The following ZNF385D variants were observed in gnomAD, a reference collection of about 807,000 sequenced individuals.
The protein encoded by ZNF385D is zinc finger protein 385D.
A neutral mutation model predicts 35.8 loss-of-function variants in ZNF385D; 15 were observed. The observed-to-expected ratio is 0.42, with a 90% CI of 0.28 to 0.64. The LOEUF (loss-of-function observed/expected upper bound fraction) is 0.64. Ranked by LOEUF, ZNF385D falls within the 30% of genes least tolerant of loss-of-function variation. ZNF385D has a pLI of 0.23. For missense variants in ZNF385D, 474 were observed against 494.6 expected (o/e 0.96, Z 0.39); for synonymous variants, 212 against 186.8 (o/e 1.13, Z -1.10).
At position 22,259,332 on chromosome 3, in the gene ZNF385D, G is replaced by A. The variant is rs190733789; in HGVS notation, c.107-90297C>T. Among the ~76,000 whole-genome samples the A allele has an allele frequency of 3.4e-3, 520 of 151,958 alleles. 3 individuals carry two copies. The highest frequency in any genetic ancestry group is 0.011 in the African/African-American group (473 of 41,516). On this transcript the variant is annotated intron_variant, in intron 2 of 5. Transcript: ENST00000494108. The stretch of plus-strand genomic sequence containing the variant: ...TTTTCCAAAATTCTAATTTTTGCAT[G>A]AAAACATGAATTTTATCATTCATAG...
chr3:21,538,854 T>G (rs1299673838), intron 3 of ZNF385D, among the ~76,000 whole-genome samples: 1 of 152,116 alleles, frequency 6.6e-6, no homozygotes, highest in Admixed American at 6.5e-5. Context: ...CATAAATACA[T>G]TTTTCAGCCA....
At chr3:22,260,351 G>C (rs556616243) in intron 2 of ZNF385D, among the ~76,000 whole-genome samples, 90 of 152,010 alleles carry the variant, frequency 5.9e-4, no homozygotes, top group African/African-American at 2.0e-3. Context: ...CTGTTGGCAG[G>C]TGGGCGGCAA....
At chr3:22,058,167 T>C (rs1576238059) in intron 3 of ZNF385D, among the ~76,000 whole-genome samples, 1 of 151,238 alleles carries the variant, frequency 6.6e-6, no homozygotes, top group African/African-American at 2.4e-5. Flanking sequence ...ACTCATAAGT[T>C]GATAATTCAA....
intron 2 of ZNF385D, among the ~76,000 whole-genome samples, chr3:22,184,683 C>T (rs1695509393): frequency 1.3e-5 from 2 of 152,084 alleles, no homozygotes; most frequent in Non-Finnish European, 2.9e-5. Context: ...AAAAATTAGC[C>T]AGGCGTGGTG....
chr3:22,095,088 CTTTTTT>C (rs10663641), intron 3 of ZNF385D, among the ~76,000 whole-genome samples: 15 of 121,974 alleles, frequency 1.2e-4, no homozygotes, highest in African/African-American at 4.8e-4. Context: ...TTCATTCTTT[CTTTTTT>C]TTTTTTTTTT....
rs1259471727 is a variant in ZNF385D, at chr3:21,412,679, G to A, written c.*8535C>T. On this transcript the variant is annotated 3_prime_UTR_variant, in exon 8 of 8. Coordinates refer to ENST00000281523, the MANE Select transcript of ZNF385D (RefSeq NM_024697.3). ...TAAGGATGTTCCTAGAGCTGCTGAA[G>A]GAACCAGAGAGCTTTCATCCATAAA... 1 of 151,590 alleles carries A rather than the reference G, an allele frequency of 6.6e-6. No homozygotes were observed. The highest frequency in any genetic ancestry group is 2.4e-5 in the African/African-American group (1 of 41,122). 9.4% of individuals were successfully genotyped at this position (151,590 alleles called of 1,614,324 possible). A position where few individuals can be genotyped will look rare whatever the true frequency, so the allele number is the denominator to read the frequency against.
intron 2 of ZNF385D, among the ~76,000 whole-genome samples, chr3:21,568,063 A>AAACTT (rs1013819780): frequency 2.0e-5 from 3 of 152,184 alleles, no homozygotes; most frequent in African/African-American, 7.2e-5. Flanking sequence ...AGTTAAAAAA[A>AAACTT]AACTTAACTG....
At chr3:21,693,682 G>A (rs868541370) in intron 1 of ZNF385D, among the ~76,000 whole-genome samples, 2 of 151,956 alleles carry the variant, frequency 1.3e-5, no homozygotes, top group Non-Finnish European at 2.9e-5. Context: ...TAGAAATACT[G>A]GAATCATCTC....
intron 3 of ZNF385D, among the ~76,000 whole-genome samples, chr3:22,142,385 G>T (rs1202458497): frequency 6.6e-6 from 1 of 152,034 alleles, no homozygotes; most frequent in Non-Finnish European, 1.5e-5. Context: ...CTTATGGTTT[G>T]AAAACAAAGC....
At chr3:22,028,887 G>A (rs1425875511) in intron 3 of ZNF385D, among the ~76,000 whole-genome samples, 1 of 152,108 alleles carries the variant, frequency 6.6e-6, no homozygotes, top group Non-Finnish European at 1.5e-5. Context: ...CAGGGCTGGG[G>A]CAAAGTTCTC....
chr3:22,340,993 G>A (rs1202215916), intron 2 of ZNF385D, among the ~76,000 whole-genome samples: 1 of 152,112 alleles, frequency 6.6e-6, no homozygotes, highest in Non-Finnish European at 1.5e-5. Flanking sequence ...TTACCACATA[G>A]GATAACTTCA....
intron 3 of ZNF385D, among the ~76,000 whole-genome samples, chr3:21,879,834 C>T (rs1020811602): frequency 6.6e-6 from 1 of 151,938 alleles, no homozygotes; most frequent in Non-Finnish European, 1.5e-5. Flanking sequence ...TTTAATATTA[C>T]AATGAATAGG....
intron 2 of ZNF385D, among the ~76,000 whole-genome samples, chr3:21,627,492 A>C (rs987308103): frequency 6.6e-6 from 1 of 152,084 alleles, no homozygotes; most frequent in African/African-American, 2.4e-5. Context: ...TGTGAAAATC[A>C]GGTCTATTAA....
chr3:21,810,725 T>C (rs573074678), intron 3 of ZNF385D, among the ~76,000 whole-genome samples: 4 of 151,996 alleles, frequency 2.6e-5, no homozygotes, highest in Non-Finnish European at 5.9e-5. Context: ...TTTTATGTAA[T>C]TATTAAACAA....
intron 3 of ZNF385D, among the ~76,000 whole-genome samples, chr3:22,119,636 T>C (rs1038912539): frequency 6.6e-6 from 1 of 152,122 alleles, no homozygotes; most frequent in Admixed American, 6.6e-5. Context: ...ATAGCTAGCT[T>C]ATGGTTACTT....
Position 22,095,970 on chromosome 3 carries a change from C to G in ZNF385D, c.325+72847G>C, listed in dbSNP as rs572670177. The stretch of plus-strand genomic sequence containing the variant: ...GAGAGATACATTTTTTAAAATGATT[C>G]TGTAAATGACTAAAGTCTTTGGTAA... On this transcript the variant is annotated intron_variant, in intron 3 of 5. Coordinates refer to the ZNF385D transcript ENST00000494108. Among the ~76,000 whole-genome samples the G allele has an allele frequency of 2.2e-3, 338 of 151,868 alleles. 1 individual carries two copies. The highest frequency in any genetic ancestry group is 7.8e-3 in the African/African-American group (324 of 41,440).
chr3:22,299,903 A>C lies in ZNF385D; in HGVS notation c.106+72547T>G, dbSNP rs188331307. Among the ~76,000 whole-genome samples, 299 of 152,096 alleles carry C rather than the reference A, an allele frequency of 2.0e-3. 5 individuals carry two copies. The highest frequency in any genetic ancestry group is 5.8e-3 in the African/African-American group (242 of 41,578). On this transcript the variant is annotated intron_variant, in intron 2 of 5. Coordinates refer to the ZNF385D transcript ENST00000494108. ...GTTCATATACCCAAAGCAATCTACA[A>C]ATTTAATGCAATACTTATCAAAATT...
chr3:21,606,864 G>A (rs1171802730), intron 2 of ZNF385D, among the ~76,000 whole-genome samples: 6 of 152,192 alleles, frequency 3.9e-5, no homozygotes, highest in African/African-American at 1.2e-4. Flanking sequence ...TTACTTAAGG[G>A]TCAAAACTAT....
At chr3:21,590,243 G>T (rs1016699859) in intron 2 of ZNF385D, among the ~76,000 whole-genome samples, 3 of 152,052 alleles carry the variant, frequency 2.0e-5, no homozygotes, top group Admixed American at 2.0e-4. Flanking sequence ...AATAAGTAAT[G>T]GGAGGTTACT....
Sources: gnomAD v4.1 joint callset for allele counts (sites outside exome capture counted in the v4.1 genomes callset) on GRCh38, gnomAD v4.1.1 for gene constraint, MANE v1.5 for transcripts, NCBI Gene and HGNC (gene_info 2026-07-23, HGNC 2026-07-21) for gene names.